Variants in EPC2 observed in about 807,000 individuals in gnomAD.
The protein encoded by EPC2 is enhancer of polycomb 2.
EPC2 carries 14 observed loss-of-function variants against 92.1 expected under a neutral mutation model. That is an observed-to-expected ratio of 0.15 (90% CI 0.10 to 0.24). The LOEUF is 0.24. EPC2 is among the 10% of genes least tolerant of loss of function. EPC2 has a pLI of 1.00. For synonymous variants in EPC2, 340 were observed against 334.7 expected, an observed-to-expected ratio of 1.02 and a Z score of -0.17; for missense variants, 755 against 971.5, an observed-to-expected ratio of 0.78 and a Z score of 2.96.
intron 2 of EPC2, among the ~76,000 whole-genome samples, chr2:148,739,830 CTTCTTTTT>C (rs1248831157): frequency 6.0e-4 from 58 of 96,698 alleles, no homozygotes; most frequent in Admixed American, 3.8e-3. Context: ...TTTTCTTCTT[CTTCTTTTT>C]TTTTTTTTTT....
At position 148,666,869 on chromosome 2, in the gene EPC2, CTTTT is replaced by C. The variant is rs61149894; in HGVS notation, c.153+21711_153+21714del. Among the ~76,000 whole-genome samples the C allele has an allele frequency of 5.3e-3, 768 of 146,152 alleles. 11 individuals carry two copies. The highest frequency in any genetic ancestry group is 0.018 in the African/African-American group (736 of 40,028). On this transcript the variant is annotated intron_variant, in intron 1 of 13. Transcript: ENST00000258484. ...GAAACTTTAATAAGCCATTGTTAGA[CTTTT>C]TTTTTTTTTTTCCAGGCTCAGGAGG... is the stretch of plus-strand genomic sequence containing the variant.
intron 2 of EPC2, among the ~76,000 whole-genome samples, chr2:148,715,953 G>A (rs938801539): frequency 6.6e-6 from 1 of 152,046 alleles, no homozygotes; most frequent in Admixed American, 6.5e-5. Flanking sequence ...CTTATTAGCT[G>A]TATTTCCAGG....
At chr2:148,709,628 G>A (rs1280300611) in intron 2 of EPC2, among the ~76,000 whole-genome samples, 1 of 152,132 alleles carries the variant, frequency 6.6e-6, no homozygotes, top group African/African-American at 2.4e-5. Context: ...AAACAGCATG[G>A]TGCTGGTACC....
chr2:148,674,145 C>T (rs1012471757), intron 1 of EPC2, among the ~76,000 whole-genome samples: 12 of 152,114 alleles, frequency 7.9e-5, no homozygotes, highest in African/African-American at 2.7e-4. Flanking sequence ...CAGATCAGTC[C>T]AGCTAGAGAT....
At chr2:148,786,218 T>C (rs1212998325) in intron 13 of EPC2, 87 bp from the exon 14 acceptor site, 1 of 1,108,002 alleles carries the variant, frequency 9.0e-7, no homozygotes, top group Non-Finnish European at 1.3e-6. Context: ...TGTAATTATG[T>C]AACAATGTTT....
chr2:148,662,870 A>G (rs1680968533), intron 1 of EPC2, among the ~76,000 whole-genome samples: 1 of 152,074 alleles, frequency 6.6e-6, no homozygotes, highest in South Asian at 2.1e-4. Context: ...CTTTCCTGCA[A>G]AAGGACTTCA....
intron 2 of EPC2, among the ~76,000 whole-genome samples, chr2:148,717,077 G>A (rs780320521): frequency 2.0e-4 from 30 of 151,820 alleles, no homozygotes; most frequent in Non-Finnish European, 3.7e-4. Flanking sequence ...GGGGTCAGTG[G>A]TGATATCCCC....
At chr2:148,651,490 G>A (rs1384994634) in intron 1 of EPC2, among the ~76,000 whole-genome samples, 1 of 152,150 alleles carries the variant, frequency 6.6e-6, no homozygotes, top group East Asian at 1.9e-4. Context: ...AAATAGGGGT[G>A]GAGATTAGGT....
intron 2 of EPC2, among the ~76,000 whole-genome samples, chr2:148,725,504 A>G (rs1484355523): frequency 1.3e-5 from 2 of 152,120 alleles, no homozygotes; most frequent in Non-Finnish European, 2.9e-5. Flanking sequence ...ACATTCTTTT[A>G]TATAACCACA....
At chr2:148,689,734 C>G (rs958363366) in intron 1 of EPC2, among the ~76,000 whole-genome samples, 5 of 151,940 alleles carry the variant, frequency 3.3e-5, no homozygotes, top group African/African-American at 1.2e-4. Context: ...TATTTTCTGC[C>G]CTGGTAGTAA....
chr2:148,695,353 A>G (rs920772100), intron 2 of EPC2, among the ~76,000 whole-genome samples: 5 of 152,238 alleles, frequency 3.3e-5, no homozygotes, highest in African/African-American at 1.2e-4. Flanking sequence ...TCTGCTTCCA[A>G]GATTTTAAGC....
intron 2 of EPC2, among the ~76,000 whole-genome samples, chr2:148,724,290 A>G (rs922995644): frequency 2.0e-5 from 3 of 152,110 alleles, no homozygotes; most frequent in African/African-American, 7.2e-5. Flanking sequence ...TAATGTACAT[A>G]TTTATGGGCT....
intron 2 of EPC2, among the ~76,000 whole-genome samples, chr2:148,725,307 A>G (rs922089840): frequency 6.6e-6 from 1 of 152,104 alleles, no homozygotes; most frequent in Non-Finnish European, 1.5e-5. Context: ...TCCATGATTC[A>G]TTAAATGTTA....
chr2:148,740,414 T>C (rs1682859435), intron 2 of EPC2, among the ~76,000 whole-genome samples: 1 of 152,110 alleles, frequency 6.6e-6, no homozygotes, highest in African/African-American at 2.4e-5. Context: ...ATAATGATTC[T>C]TATATGGGTT....
At chr2:148,693,724 A>G (rs1449121843) in intron 2 of EPC2, among the ~76,000 whole-genome samples, 3 of 152,164 alleles carry the variant, frequency 2.0e-5, no homozygotes, top group Admixed American at 2.0e-4. Flanking sequence ...CTACACTAAT[A>G]ATGAGATCTT....
At chr2:148,712,667 A>G (rs369104630) in intron 2 of EPC2, among the ~76,000 whole-genome samples, 19 of 152,206 alleles carry the variant, frequency 1.2e-4, no homozygotes, top group African/African-American at 4.6e-4. Flanking sequence ...AGGCTGGAAG[A>G]TTGCTTGGGG....
chr2:148,725,824 T>G (rs1410318651), intron 2 of EPC2, among the ~76,000 whole-genome samples: 1 of 152,122 alleles, frequency 6.6e-6, no homozygotes, highest in African/African-American at 2.4e-5. Flanking sequence ...AAAATATACA[T>G]AACATAAATT....
intron 1 of EPC2, among the ~76,000 whole-genome samples, chr2:148,649,836 T>C (rs1221589233): frequency 1.3e-5 from 2 of 152,234 alleles, no homozygotes; most frequent in African/African-American, 4.8e-5. Context: ...TATTTTACTT[T>C]TTATAACTTT....
chr2:148,760,744 G>T (rs1329939786), intron 4 of EPC2, among the ~76,000 whole-genome samples: 2 of 152,110 alleles, frequency 1.3e-5, no homozygotes, highest in African/African-American at 2.4e-5. Flanking sequence ...TTTAATATAT[G>T]ACTATTATTT....
Sources: allele counts gnomAD v4.1 joint callset (sites outside exome capture counted in the v4.1 genomes callset), GRCh38; gene constraint gnomAD v4.1.1; transcripts MANE v1.5; gene names NCBI Gene and HGNC (gene_info 2026-07-23, HGNC 2026-07-21).